SH3RF3: variants seen among roughly 807,000 people sequenced by gnomAD.
SH3RF3 encodes the protein E3 ubiquitin-protein ligase SH3RF3.
In SH3RF3, 29 loss-of-function variants were observed where a neutral mutation model predicts 66.3. The observed-to-expected ratio is 0.44, with a 90% CI of 0.33 to 0.60. The LOEUF (loss-of-function observed/expected upper bound fraction) is 0.60, where lower values mean the gene tolerates loss of function less well. Ranked by LOEUF, SH3RF3 falls within the 20% of genes least tolerant of loss-of-function variation. The pLI, the probability that SH3RF3 is intolerant of heterozygous loss-of-function variation, is 0.04. For missense variants in SH3RF3, 1,194 were observed against 1,190.9 expected (o/e 1.00, Z -0.04); for synonymous variants, 583 against 532.0 (o/e 1.10, Z -1.32).
intron 1 of SH3RF3, among the ~76,000 whole-genome samples, chr2:109,158,871 G>T (rs1574479541): frequency 6.6e-6 from 1 of 152,212 alleles, no homozygotes. Context: ...AAGCCAGCCA[G>T]CTGTGAAGTC....
intron 1 of SH3RF3, among the ~76,000 whole-genome samples, chr2:109,170,235 TTCTTTTCTTTTCTC>T (rs1558938047): frequency 1.2e-3 from 45 of 37,884 alleles, no homozygotes; most frequent in African/African-American, 4.3e-3. Flanking sequence ...TTCTCTTCTC[TTCTTTTCTTTTCTC>T]TTCTCTTCTC....
At chr2:109,218,778 T>C (rs757346179) in intron 1 of SH3RF3, among the ~76,000 whole-genome samples, 22 of 152,218 alleles carry the variant, frequency 1.4e-4, no homozygotes, top group Non-Finnish European at 2.2e-4. Flanking sequence ...CTGACTATAT[T>C]TGCTGTTTCT....
At chr2:109,453,106 C>G (rs189615880) in intron 8 of SH3RF3, among the ~76,000 whole-genome samples, 19 of 152,314 alleles carry the variant, frequency 1.2e-4, no homozygotes, top group Admixed American at 2.6e-4. Flanking sequence ...GTGCAGGCCT[C>G]TGGGGATAAT....
chr2:109,464,638 G>T (rs987565143), intron 8 of SH3RF3, among the ~76,000 whole-genome samples: 1 of 152,184 alleles, frequency 6.6e-6, no homozygotes, highest in Non-Finnish European at 1.5e-5. Flanking sequence ...ATCCTTCCAA[G>T]ACTTTTTTTA....
intron 1 of SH3RF3, among the ~76,000 whole-genome samples, chr2:109,219,495 GA>G (rs965517606): frequency 1.7e-4 from 25 of 147,338 alleles, no homozygotes; most frequent in South Asian, 1.1e-3. Flanking sequence ...TTCCAAATTG[GA>G]AAAAAAAAAG....
intron 1 of SH3RF3, 33 bp downstream of exon 1, chr2:109,130,146 C>T (rs1178293089): frequency 1.6e-6 from 2 of 1,277,350 alleles, no homozygotes; most frequent in Non-Finnish European, 2.0e-6. Flanking sequence ...GTGGCCACGG[C>T]ACGTGGGAGT....
At chr2:109,358,808 C>A (rs1683001985) in intron 2 of SH3RF3, among the ~76,000 whole-genome samples, 2 of 152,180 alleles carry the variant, frequency 1.3e-5, no homozygotes, top group Admixed American at 1.3e-4. Context: ...CTTATCAATT[C>A]TTTCTTTTGT....
At chr2:109,264,061 TC>T (rs1397170663) in intron 1 of SH3RF3, among the ~76,000 whole-genome samples, 2 of 152,236 alleles carry the variant, frequency 1.3e-5, no homozygotes, top group Admixed American at 1.3e-4. Context: ...TCTGGGCTGT[TC>T]CAGCTCCTCC....
At chr2:109,350,427 A>G (rs1682814361) in intron 2 of SH3RF3, among the ~76,000 whole-genome samples, 1 of 152,098 alleles carries the variant, frequency 6.6e-6, no homozygotes, top group Non-Finnish European at 1.5e-5. Context: ...AATGTGGAGA[A>G]TTAGAGGCCT....
chr2:109,297,002 T>G (rs1248048217), intron 1 of SH3RF3, among the ~76,000 whole-genome samples: 1 of 152,118 alleles, frequency 6.6e-6, no homozygotes, highest in Non-Finnish European at 1.5e-5. Flanking sequence ...TCCTGTAGCA[T>G]TCTCTTACTG....
chr2:109,362,585 T>C (rs1435379319), intron 2 of SH3RF3, among the ~76,000 whole-genome samples: 1 of 152,190 alleles, frequency 6.6e-6, no homozygotes, highest in South Asian at 2.1e-4. Context: ...ATCCAGTAGA[T>C]TGATGGTGCC....
intron 4 of SH3RF3, among the ~76,000 whole-genome samples, chr2:109,415,137 C>T (rs554580877): frequency 7.7e-4 from 72 of 92,904 alleles, no homozygotes; most frequent in African/African-American, 3.7e-3. Context: ...CTAGAAGCTG[C>T]AAAGGCAGGG....
chr2:109,449,138 T>G, intron 7 of SH3RF3, 32 bp from the exon 8 acceptor site: 1 of 1,602,072 alleles, frequency 6.2e-7, no homozygotes, highest in East Asian at 2.2e-5. Context: ...AACTAACCTT[T>G]CAACCTGCTG....
At position 109,398,699 on chromosome 2, in the gene SH3RF3, C is replaced by T. The variant is rs755578903; in HGVS notation, c.1055C>T (p.Ala352Val). 6.2e-7 allele frequency: 1 copy of T among 1,611,872 alleles called. No homozygotes were observed. Among genetic ancestry groups the T allele is most frequent in the Non-Finnish European group, 8.5e-7 (1 of 1,179,192 alleles). ...GACTCCGGCGCTGTGGCCAGCGTGG[C>T]CCCAAGTCCCACTTTAAGCAGCTCA... The part of the protein sequence containing the change: ...PSDSGAVASV[A>V]PSPTLSSSGA... The change falls in exon 4 of 10, where the codon GCC (alanine) becomes GTC (valine). Residue 352 changes from alanine to valine, a missense_variant. By Grantham distance (64) the Ala-to-Val change is moderately conservative (BLOSUM62 0). Transcript: ENST00000309415.
At chr2:109,219,564 T>C (rs932984691) in intron 1 of SH3RF3, among the ~76,000 whole-genome samples, 7 of 152,186 alleles carry the variant, frequency 4.6e-5, no homozygotes, top group Admixed American at 2.0e-4. Context: ...TCTAAGGAGT[T>C]CTCAGAGTTT....
chr2:109,461,448 G>A (rs1298676672), intron 8 of SH3RF3, among the ~76,000 whole-genome samples: 3 of 141,358 alleles, frequency 2.1e-5, no homozygotes, highest in Non-Finnish European at 4.6e-5. Context: ...GACCTGCGCG[G>A]TGATCCACCT....
intron 1 of SH3RF3, among the ~76,000 whole-genome samples, chr2:109,142,187 T>C (rs962871453): frequency 6.6e-6 from 1 of 152,156 alleles, no homozygotes; most frequent in African/African-American, 2.4e-5. Context: ...TCCAGCCCCC[T>C]GGGCGGACTC....
intron 1 of SH3RF3, among the ~76,000 whole-genome samples, chr2:109,147,089 C>T (rs890230573): frequency 6.6e-6 from 1 of 151,994 alleles, no homozygotes; most frequent in Admixed American, 6.5e-5. Flanking sequence ...TTCCCTGTCT[C>T]GTTTTCCCCT....
At chr2:109,207,142 G>T (rs1035928449) in intron 1 of SH3RF3, among the ~76,000 whole-genome samples, 4 of 152,144 alleles carry the variant, frequency 2.6e-5, no homozygotes, top group African/African-American at 9.7e-5. Flanking sequence ...ATAAACTGGG[G>T]GTGAGGGTGC....
Sources: gnomAD v4.1 joint callset for allele counts (sites outside exome capture counted in the v4.1 genomes callset) on GRCh38, gnomAD v4.1.1 for gene constraint, MANE v1.5 for transcripts, NCBI Gene and HGNC (gene_info 2026-07-23, HGNC 2026-07-21) for gene names.